The following ANO2 variants were observed in gnomAD, a reference collection of about 807,000 sequenced individuals.
The protein encoded by ANO2 is anoctamin-2.
A neutral mutation model predicts 124.2 loss-of-function variants in ANO2; 101 were observed. The observed-to-expected ratio is 0.81, with a 90% CI of 0.69 to 0.96. The LOEUF (loss-of-function observed/expected upper bound fraction) is 0.96. Ranked by LOEUF, ANO2 falls within the 40% of genes least tolerant of loss-of-function variation. The probability of loss-of-function intolerance (pLI) is 0.00; values close to 1 mark genes in which losing one functional copy is unlikely to be tolerated. For synonymous variants in ANO2, 486 were observed against 482.5 expected, an observed-to-expected ratio of 1.01 and a Z score of -0.09; for missense variants, 1,293 against 1,274.5, an observed-to-expected ratio of 1.01 and a Z score of -0.22.
chr12:5,707,022 T>C lies in ANO2; in HGVS notation c.1545+25498A>G, dbSNP rs575004339. ...GAATCTTGAATTGTATTTAACAATA[T>C]ATGATATGGTTTGTCTCTGTGTCCC... is the stretch of plus-strand genomic sequence containing the variant. On this transcript the variant is annotated intron_variant, in intron 14 of 24. Transcript: ENST00000682330. 2.6e-5 allele frequency among the ~76,000 whole-genome samples: 4 copies of C among 152,344 alleles called. No homozygotes were observed. In the South Asian group the frequency reaches 6.2e-4, roughly 24 times the overall value.
At chr12:5,648,188 TTTTG>T (rs1332389805) in intron 14 of ANO2, among the ~76,000 whole-genome samples, 4 of 152,148 alleles carry the variant, frequency 2.6e-5, no homozygotes, top group South Asian at 2.1e-4. Context: ...GTTTTCTTTG[TTTTG>T]TTTGAGTGAG....
In ANO2 at chr12:5,827,788, G is replaced by A. The variant is rs747809333; in HGVS notation, c.873C>T (p.Ser291=). Residue 291 remains serine (S), a synonymous_variant, in exon 7 of 25, where the codon TCC becomes TCT. Coordinates refer to ENST00000682330, the MANE Select transcript of ANO2 (RefSeq NM_001364791.2). ...VHEILKRTAC[S]RANNTMGINS... ...CCTTACCCATCGTGTTGTTGGCTCG[G>A]GAGCAGGCTGTGCGCTTCAGGATCT... is the stretch of plus-strand genomic sequence containing the variant. The A allele has an allele frequency of 1.9e-6, 3 of 1,611,588 alleles. No individual in the cohort carries two copies. The African/African-American group carries it at 4.0e-5, about 22-fold the overall frequency.
At chr12:5,814,536 C>A (rs185026783) in intron 7 of ANO2, among the ~76,000 whole-genome samples, 235 of 152,170 alleles carry the variant, frequency 1.5e-3, no homozygotes, top group African/African-American at 5.4e-3. Flanking sequence ...TTTATTTGCT[C>A]TATTCTTTCT....
At chr12:5,730,571 T>C (rs2137064379) in intron 14 of ANO2, among the ~76,000 whole-genome samples, 1 of 152,340 alleles carries the variant, frequency 6.6e-6, no homozygotes, top group South Asian at 2.1e-4. Flanking sequence ...CTTTAGTCCC[T>C]GTCTATTCCT....
At chr12:5,798,185 C>T (rs1054178262) in intron 10 of ANO2, among the ~76,000 whole-genome samples, 3 of 151,888 alleles carry the variant, frequency 2.0e-5, no homozygotes, top group Non-Finnish European at 4.4e-5. Context: ...CTTGGGGTGG[C>T]CCAGAGAACA....
At chr12:5,718,304 C>T (rs1454551568) in intron 14 of ANO2, among the ~76,000 whole-genome samples, 2 of 152,240 alleles carry the variant, frequency 1.3e-5, no homozygotes, top group East Asian at 3.8e-4. Flanking sequence ...TCAAAGACCC[C>T]ACATGATCAA....
At chr12:5,693,538 C>A (rs765911158) in intron 14 of ANO2, among the ~76,000 whole-genome samples, 4 of 152,164 alleles carry the variant, frequency 2.6e-5, no homozygotes, top group African/African-American at 4.8e-5. Flanking sequence ...CACTAAGCAA[C>A]CAGAGTGAGC....
At chr12:5,860,904 G>T (rs1221652879) in intron 3 of ANO2, among the ~76,000 whole-genome samples, 1 of 152,182 alleles carries the variant, frequency 6.6e-6, no homozygotes, top group Admixed American at 6.5e-5. Context: ...TAGCATTAAG[G>T]AGAAGAATCA....
At chr12:5,782,717 G>C (rs1331171234) in intron 10 of ANO2, among the ~76,000 whole-genome samples, 1 of 152,174 alleles carries the variant, frequency 6.6e-6, no homozygotes, top group Non-Finnish European at 1.5e-5. Context: ...GGGAGCCATT[G>C]CTTTAACCCA....
At chr12:5,754,227 T>C (rs1951516154) in intron 10 of ANO2, among the ~76,000 whole-genome samples, 1 of 152,226 alleles carries the variant, frequency 6.6e-6, no homozygotes, top group Non-Finnish European at 1.5e-5. Context: ...TTTATTGATT[T>C]GCATATGTTG....
At chr12:5,778,387 G>A (rs2137130182) in intron 10 of ANO2, among the ~76,000 whole-genome samples, 1 of 152,114 alleles carries the variant, frequency 6.6e-6, no homozygotes, top group Middle Eastern at 3.4e-3. Flanking sequence ...AGTGCTAAAG[G>A]GGTTCTTTGT....
intron 14 of ANO2, among the ~76,000 whole-genome samples, chr12:5,711,396 A>C (rs73037431): frequency 0.13 from 20,329 of 152,052 alleles, 1,705 homozygotes; most frequent in African/African-American, 0.24. Context: ...CCACCATGAA[A>C]GCTTCCTGAG....
At chr12:5,628,692 G>T (rs1426985966) in intron 16 of ANO2, among the ~76,000 whole-genome samples, 2 of 152,090 alleles carry the variant, frequency 1.3e-5, no homozygotes, top group East Asian at 3.9e-4. Flanking sequence ...GTGTGTGCGC[G>T]CGCGCACGCG....
chr12:5,789,172 G>A (rs758046596), intron 10 of ANO2, among the ~76,000 whole-genome samples: 3 of 152,232 alleles, frequency 2.0e-5, no homozygotes, highest in African/African-American at 4.8e-5. Context: ...CACCAGCTTG[G>A]GCTTTCAGGA....
chr12:5,792,612 T>C (rs1339107667), intron 10 of ANO2, among the ~76,000 whole-genome samples: 1 of 152,132 alleles, frequency 6.6e-6, no homozygotes, highest in East Asian at 1.9e-4. Flanking sequence ...GTTACAATCA[T>C]CCCCAAAGAT....
intron 14 of ANO2, among the ~76,000 whole-genome samples, chr12:5,707,763 C>G (rs1337766017): frequency 6.6e-6 from 1 of 152,218 alleles, no homozygotes; most frequent in Non-Finnish European, 1.5e-5. Context: ...TCTCCTTCCT[C>G]TGAACAGATG....
At chr12:5,926,881 T>C (rs1341333013) in intron 1 of ANO2, among the ~76,000 whole-genome samples, 1 of 152,216 alleles carries the variant, frequency 6.6e-6, no homozygotes, top group Non-Finnish European at 1.5e-5. Flanking sequence ...AGCTTAGTTT[T>C]TACTTCGGTG....
intron 3 of ANO2, among the ~76,000 whole-genome samples, chr12:5,867,778 G>GAAAAAAAAAA (rs10622876): frequency 2.5e-5 from 2 of 78,542 alleles, no homozygotes; most frequent in Non-Finnish European, 4.7e-5. Flanking sequence ...GCACTATAAT[G>GAAAAAAAAAA]AAAAAAAAAA....
intron 19 of ANO2, among the ~76,000 whole-genome samples, chr12:5,606,571 A>C (rs946332857): frequency 5.3e-5 from 8 of 152,172 alleles, no homozygotes; most frequent in Admixed American, 4.6e-4. Flanking sequence ...AAATGTGAGG[A>C]TTTTAATTAA....
Sources: allele counts gnomAD v4.1 joint callset (sites outside exome capture counted in the v4.1 genomes callset), GRCh38; gene constraint gnomAD v4.1.1; transcripts MANE v1.5; gene names NCBI Gene and HGNC (gene_info 2026-07-23, HGNC 2026-07-21).